The following TENM2 variants were observed in gnomAD, a reference collection of about 807,000 sequenced individuals.
TENM2 encodes the protein teneurin transmembrane protein 2.
In TENM2, 52 loss-of-function variants were observed where a neutral mutation model predicts 245.2. The observed-to-expected ratio is 0.21, with a 90% CI of 0.17 to 0.27. The LOEUF (loss-of-function observed/expected upper bound fraction) is 0.27. TENM2 is among the 10% of genes least tolerant of loss of function. TENM2 has a pLI of 1.00. For missense variants in TENM2, 3,046 were observed against 3,666.8 expected (o/e 0.83, Z 4.37); for synonymous variants, 1,363 against 1,438.9 (o/e 0.95, Z 1.19).
chr5:167,845,074 C>T (rs1183311003), intron 2 of TENM2, among the ~76,000 whole-genome samples: 3 of 152,024 alleles, frequency 2.0e-5, no homozygotes, highest in Non-Finnish European at 2.9e-5. Flanking sequence ...CAGAAGCCAA[C>T]GTTCAGTCTT....
intron 12 of TENM2, among the ~76,000 whole-genome samples, chr5:168,139,876 G>A (rs759912161): frequency 2.0e-5 from 3 of 152,184 alleles, no homozygotes; most frequent in Non-Finnish European, 4.4e-5. Context: ...TTCAGTAGAG[G>A]CCAGATATTT....
the TENM2 span, among the ~76,000 whole-genome samples, chr5:167,037,009 A>G: frequency 4.6e-5 from 7 of 152,270 alleles, no homozygotes; most frequent in Middle Eastern, 0.01. Flanking sequence ...CACACCGAAT[A>G]TATTTTGCCA....
the TENM2 span, among the ~76,000 whole-genome samples, chr5:167,136,796 A>T: frequency 1.3e-5 from 2 of 152,194 alleles, no homozygotes; most frequent in African/African-American, 4.8e-5. Flanking sequence ...GTATCATATG[A>T]TAATGGACAT....
chr5:167,894,931 A>G (rs1224704742), intron 3 of TENM2, among the ~76,000 whole-genome samples: 2 of 52,232 alleles, frequency 3.8e-5, no homozygotes, highest in Non-Finnish European at 4.3e-5. Context: ...AGAAGGAAGG[A>G]AGGAAGGAAG....
intron 1 of TENM2, among the ~76,000 whole-genome samples, chr5:167,364,186 A>T (rs762242913): frequency 6.6e-6 from 1 of 152,064 alleles, no homozygotes; most frequent in Non-Finnish European, 1.5e-5. Context: ...CTTTTTTTAT[A>T]TTAAGAAATC....
intron 12 of TENM2, among the ~76,000 whole-genome samples, chr5:168,150,176 T>G (rs1374195408): frequency 1.2e-5 from 1 of 86,712 alleles, no homozygotes; most frequent in Non-Finnish European, 2.2e-5. Context: ...TCTCTTTCAT[T>G]GACTACTGTA....
At chr5:168,158,159 G>A (rs2152439158) in intron 12 of TENM2, among the ~76,000 whole-genome samples, 1 of 152,138 alleles carries the variant, frequency 6.6e-6, no homozygotes, top group East Asian at 1.9e-4. Context: ...CGGACTTCAG[G>A]TGATCCACCC....
intron 2 of TENM2, among the ~76,000 whole-genome samples, chr5:167,568,827 C>G (rs1350739928): frequency 6.6e-6 from 1 of 151,928 alleles, no homozygotes; most frequent in Admixed American, 6.6e-5. Context: ...ATTATATAGA[C>G]TTAGCCAGAG....
intron 2 of TENM2, among the ~76,000 whole-genome samples, chr5:167,434,722 A>G (rs947308105): frequency 6.6e-6 from 1 of 152,142 alleles, no homozygotes; most frequent in Non-Finnish European, 1.5e-5. Context: ...ATATGACAGG[A>G]CATTAAATTC....
chr5:167,739,297 C>A (rs908013609), intron 2 of TENM2, among the ~76,000 whole-genome samples: 1 of 152,164 alleles, frequency 6.6e-6, no homozygotes, highest in Non-Finnish European at 1.5e-5. Context: ...CATGAAGTCA[C>A]TCAGTGATCC....
At chr5:167,181,663 G>A in the TENM2 span, among the ~76,000 whole-genome samples, 2 of 151,842 alleles carry the variant, frequency 1.3e-5, no homozygotes, top group African/African-American at 2.4e-5. Flanking sequence ...CCTACTTTTT[G>A]CAAATAAATA....
chr5:167,844,814 T>C (rs997929851), intron 2 of TENM2, among the ~76,000 whole-genome samples: 3 of 149,396 alleles, frequency 2.0e-5, no homozygotes, highest in Non-Finnish European at 4.4e-5. Flanking sequence ...TTTTCAGGTA[T>C]GTAAATTTTA....
chr5:167,769,587 C>A (rs1355678978), intron 2 of TENM2, among the ~76,000 whole-genome samples: 1 of 152,108 alleles, frequency 6.6e-6, no homozygotes, highest in Non-Finnish European at 1.5e-5. Flanking sequence ...GCAGGCTTTT[C>A]CCCAGTAGAA....
chr5:167,231,845 G>T, the TENM2 span, among the ~76,000 whole-genome samples: 1 of 151,816 alleles, frequency 6.6e-6, no homozygotes, highest in South Asian at 2.1e-4. Flanking sequence ...TCACAGGCCT[G>T]GAGGCCTAGG....
the TENM2 span, among the ~76,000 whole-genome samples, chr5:167,093,267 A>G: frequency 6.6e-6 from 1 of 152,210 alleles, no homozygotes; most frequent in Non-Finnish European, 1.5e-5. Flanking sequence ...GATTCCACGG[A>G]TACAAGAGTT....
intron 13 of TENM2, among the ~76,000 whole-genome samples, chr5:168,164,337 A>T (rs141781649): frequency 1.3e-5 from 2 of 152,084 alleles, no homozygotes; most frequent in African/African-American, 4.8e-5. Flanking sequence ...AGTGTACACT[A>T]CTTTGTTAGC....
chr5:167,807,190 C>T (rs898728422), intron 2 of TENM2, among the ~76,000 whole-genome samples: 2 of 134,330 alleles, frequency 1.5e-5, no homozygotes, highest in African/African-American at 2.9e-5. Flanking sequence ...TCGGGATATT[C>T]CAAGGGTTTT....
chr5:167,343,802 G>A (rs1238328998), intron 1 of TENM2, among the ~76,000 whole-genome samples: 1 of 152,078 alleles, frequency 6.6e-6, no homozygotes. Flanking sequence ...CCTAAGTTAT[G>A]ATGGTCTATC....
chr5:167,706,999 A>G (rs1183937883), intron 2 of TENM2, among the ~76,000 whole-genome samples: 1 of 127,060 alleles, frequency 7.9e-6, no homozygotes, highest in East Asian at 2.5e-4. Context: ...TGGGCGACAG[A>G]GTGAGACTCC....
Sources: allele counts gnomAD v4.1 joint callset (sites outside exome capture counted in the v4.1 genomes callset), GRCh38; gene constraint gnomAD v4.1.1; transcripts MANE v1.5; gene names NCBI Gene and HGNC (gene_info 2026-07-23, HGNC 2026-07-21).